The following SAMD5 variants were observed in gnomAD, a reference collection of about 807,000 sequenced individuals.
SAMD5 encodes the protein sterile alpha motif domain containing 5.
SAMD5 carries 13 observed loss-of-function variants against 11.3 expected under a neutral mutation model. That is an observed-to-expected ratio of 1.15 (90% CI 0.75 to 1.83). The LOEUF (loss-of-function observed/expected upper bound fraction) is 1.83. Among genes scored for constraint, SAMD5 ranks in the 40% most tolerant of loss-of-function variants. SAMD5 has a pLI of 0.00. For synonymous variants in SAMD5, 129 were observed against 111.3 expected, an observed-to-expected ratio of 1.16 and a Z score of -1.00; for missense variants, 255 against 239.1, an observed-to-expected ratio of 1.07 and a Z score of -0.44.
At chr6:147,510,080 G>T (rs974998358) in intron 1 of SAMD5, among the ~76,000 whole-genome samples, 1 of 152,208 alleles carries the variant, frequency 6.6e-6, no homozygotes, top group Non-Finnish European at 1.5e-5. Context: ...GGGCTGTCAC[G>T]AGTTTGGTTT....
intron 1 of SAMD5, among the ~76,000 whole-genome samples, chr6:147,623,398 A>T (rs1790001787): frequency 1.3e-5 from 2 of 152,202 alleles, no homozygotes; most frequent in Non-Finnish European, 2.9e-5. Context: ...TTATCAAAGG[A>T]CTTTGACACA....
chr6:147,631,215 C>T (rs550510234), intron 1 of SAMD5, among the ~76,000 whole-genome samples: 17 of 152,178 alleles, frequency 1.1e-4, no homozygotes, highest in South Asian at 4.2e-4. Flanking sequence ...GGCCTGGATA[C>T]GGTTTTGGAT....
the SAMD5 span, among the ~76,000 whole-genome samples, chr6:147,819,916 C>G: frequency 6.6e-6 from 1 of 152,308 alleles, no homozygotes; most frequent in South Asian, 2.1e-4. Flanking sequence ...GTGGTGGCAA[C>G]ACCACGCATC....
the SAMD5 span, among the ~76,000 whole-genome samples, chr6:147,852,709 A>C: frequency 6.6e-6 from 1 of 152,206 alleles, no homozygotes; most frequent in Non-Finnish European, 1.5e-5. Flanking sequence ...TACATAACAG[A>C]AGAGGAGTGG....
At chr6:147,596,557 T>G (rs771478333) in intron 1 of SAMD5, among the ~76,000 whole-genome samples, 1 of 152,216 alleles carries the variant, frequency 6.6e-6, no homozygotes, top group Non-Finnish European at 1.5e-5. Flanking sequence ...TGCTGTAAGA[T>G]TGTCATGTTA....
chr6:147,793,389 T>C, the SAMD5 span, among the ~76,000 whole-genome samples: 1 of 152,146 alleles, frequency 6.6e-6, no homozygotes, highest in Admixed American at 6.6e-5. Context: ...AAGAGGAACT[T>C]CATGAGATGT....
Position 147,570,007 on chromosome 6 carries a change from ACGGCTTT to A in SAMD5, c.*5553_*5559del. ...ATATGTCCGCTCTTCAATAAATGTT[ACGGCTTT>A]CACAGCGGTTCCGCCTTGGCCTCTT... is the stretch of plus-strand genomic sequence containing the variant. On this transcript the variant is annotated 3_prime_UTR_variant, in exon 2 of 2. Coordinates refer to ENST00000367474, the MANE Select transcript of SAMD5 (RefSeq NM_001030060.3). 1.0e-6 allele frequency: 1 copy of A among 985,412 alleles called. No homozygotes were observed. Among genetic ancestry groups the A allele is most frequent in the Non-Finnish European group, 1.2e-6 (1 of 829,928 alleles). The allele number at this position is 985,412 out of a possible 1,614,324, so 61.0% of individuals were successfully genotyped here.
rs147220351 is a variant in SAMD5 at position 147,607,303 on chromosome 6, T to C, written c.162+97916T>C. On this transcript the variant is annotated intron_variant, in intron 1 of 1. Coordinates refer to the SAMD5 transcript ENST00000566741. ...AATGCCATCCCTACCAAAATACCAA[T>C]GACATAATTCACAGAAATATTAAAA... Among the ~76,000 whole-genome samples the C allele has an allele frequency of 8.1e-4, 123 of 152,142 alleles. 1 individual carries two copies. In the East Asian group the frequency reaches 0.02, roughly 25 times the overall value.
chr6:147,509,790 C>A (rs1310920591), intron 1 of SAMD5, among the ~76,000 whole-genome samples: 1 of 152,146 alleles, frequency 6.6e-6, no homozygotes, highest in African/African-American at 2.4e-5. Flanking sequence ...TCCTTTTTCT[C>A]TTTCTTTTCC....
chr6:147,555,232 TC>T (rs1270583731), intron 1 of SAMD5, among the ~76,000 whole-genome samples: 1 of 152,222 alleles, frequency 6.6e-6, no homozygotes, highest in Non-Finnish European at 1.5e-5. Flanking sequence ...TGTATGTAAA[TC>T]TTGTCTCCTT....
the SAMD5 span, among the ~76,000 whole-genome samples, chr6:147,909,621 T>TC: frequency 3.9e-4 from 25 of 64,280 alleles, no homozygotes; most frequent in South Asian, 1.3e-3. Context: ...TCTTTCTTTC[T>TC]TTCTTTCTTT....
chr6:147,878,612 G>GAT, the SAMD5 span, among the ~76,000 whole-genome samples: 3 of 142,072 alleles, frequency 2.1e-5, no homozygotes, highest in African/African-American at 7.9e-5. Context: ...TATCTATATA[G>GAT]ATATATATGT....
the SAMD5 span, among the ~76,000 whole-genome samples, chr6:147,747,659 C>T: frequency 5.9e-5 from 9 of 152,048 alleles, no homozygotes; most frequent in South Asian, 2.1e-4. Context: ...CACAGGCACG[C>T]GCTACCACGC....
downstream of SAMD5, among the ~76,000 whole-genome samples, chr6:147,737,854 A>T (rs575417879): frequency 2.6e-5 from 4 of 152,026 alleles, no homozygotes; most frequent in Non-Finnish European, 5.9e-5. Flanking sequence ...TTTTCTGCAC[A>T]AGCCAGGACA....
At chr6:147,690,257 T>G (rs1346844626) in intron 1 of SAMD5, among the ~76,000 whole-genome samples, 1 of 152,246 alleles carries the variant, frequency 6.6e-6, no homozygotes, top group African/African-American at 2.4e-5. Context: ...CTTGATACAT[T>G]TATTACTTTT....
At chr6:147,612,939 C>T (rs911555570) in intron 1 of SAMD5, among the ~76,000 whole-genome samples, 3 of 152,104 alleles carry the variant, frequency 2.0e-5, no homozygotes, top group African/African-American at 4.8e-5. Flanking sequence ...TGGCTCATAC[C>T]TGTAATCCCA....
At chr6:147,739,134 C>T (rs1189153173), downstream of SAMD5, among the ~76,000 whole-genome samples, 1 of 152,184 alleles carries the variant, frequency 6.6e-6, no homozygotes, top group African/African-American at 2.4e-5. Flanking sequence ...AGACAGGTTT[C>T]CCTTCAGACA....
chr6:147,719,726 T>C (rs1464171797), intron 1 of SAMD5, among the ~76,000 whole-genome samples: 1 of 152,142 alleles, frequency 6.6e-6, no homozygotes, highest in Non-Finnish European at 1.5e-5. Context: ...ACTGGGAGGA[T>C]CTGGGAAATT....
At chr6:147,593,644 A>G (rs1789488502) in intron 1 of SAMD5, among the ~76,000 whole-genome samples, 1 of 152,170 alleles carries the variant, frequency 6.6e-6, no homozygotes, top group Admixed American at 6.5e-5. Context: ...GAGTGACATA[A>G]CTTGAACACA....
Sources: allele counts gnomAD v4.1 joint callset (sites outside exome capture counted in the v4.1 genomes callset), GRCh38; gene constraint gnomAD v4.1.1; transcripts MANE v1.5; gene names NCBI Gene and HGNC (gene_info 2026-07-23, HGNC 2026-07-21).